Variants in HIVEP2 observed in about 807,000 individuals in gnomAD.
The protein encoded by HIVEP2 is HIVEP zinc finger 2.
A neutral mutation model predicts 180.7 loss-of-function variants in HIVEP2; 14 were observed. The ratio of observed to expected loss-of-function variants is 0.08; its 90% CI spans 0.05 to 0.12. HIVEP2 has a LOEUF of 0.12. Ranked by LOEUF, HIVEP2 falls within the 10% of genes least tolerant of loss-of-function variation. The probability of loss-of-function intolerance (pLI) is 1.00; values close to 1 mark genes in which losing one functional copy is unlikely to be tolerated. For synonymous variants in HIVEP2, 1,184 were observed against 1,136.4 expected (o/e 1.04, Z -0.84); for missense variants, 2,579 against 3,008.5 (o/e 0.86, Z 3.34).
intron 1 of HIVEP2, among the ~76,000 whole-genome samples, chr6:142,933,259 T>C (rs755847250): frequency 6.6e-6 from 1 of 152,170 alleles, no homozygotes; most frequent in Non-Finnish European, 1.5e-5. Flanking sequence ...CAAATACAAA[T>C]AAGAATAGTA....
At position 142,771,793 on chromosome 6, in the gene HIVEP2, A is replaced by G; in HGVS notation, c.2946T>C (p.Ser982=). The change falls in exon 5 of 10, where the codon TCT becomes TCC. Residue 982 remains serine (S), a synonymous_variant. Transcript: ENST00000367603. The surrounding 1 kb of genome is among the most constrained non-coding windows in gnomAD (Gnocchi z 5.4). The part of the protein sequence containing the change: ...NLSHSSSFSM[S]FEREETSKLS... ...GCTTACTGGTTTCTTCTCTTTCAAA[A>G]GACATGGAGAAACTGGAGCTGTGGG... 6.2e-7 allele frequency: 1 copy of G among 1,614,226 alleles called. No individual in the cohort carries two copies. The highest frequency in any genetic ancestry group is 1.1e-5 in the South Asian group (1 of 91,084).
At position 142,752,813 on chromosome 6, in the gene HIVEP2, C is replaced by A; in HGVS notation, c.*294G>T. The A allele has an allele frequency of 3.6e-6, 1 of 279,172 alleles. No individual in the cohort carries two copies. The highest frequency in any genetic ancestry group is 6.7e-6 in the Non-Finnish European group (1 of 148,306). 17.3% of individuals were successfully genotyped at this position (279,172 alleles called of 1,614,324 possible). A position where few individuals can be genotyped will look rare whatever the true frequency, so the allele number is the denominator to read the frequency against. The stretch of plus-strand genomic sequence containing the variant: ...AGATACACAAATTCTAAAATATGTA[C>A]AAATTACTGCTAAAAAATGCTTATA... On this transcript the variant is annotated 3_prime_UTR_variant, in exon 10 of 10. Transcript: ENST00000367603.
At chr6:142,768,590 C>T (rs1343791017) in intron 5 of HIVEP2, 54 bp from the exon 6 acceptor site, 1 of 1,549,836 alleles carries the variant, frequency 6.5e-7, no homozygotes, top group African/African-American at 1.4e-5. Context: ...GACACAGGAG[C>T]CCCTATGTCC....
At chr6:142,860,769 C>T (rs1477546708) in intron 1 of HIVEP2, among the ~76,000 whole-genome samples, 1 of 152,186 alleles carries the variant, frequency 6.6e-6, no homozygotes, top group Non-Finnish European at 1.5e-5. Context: ...GCAGCAGTTC[C>T]TAACAGCCAA....
Position 142,753,265 on chromosome 6 carries a change from C to G in HIVEP2, c.7183G>C (p.Asp2395His), listed in dbSNP as rs775537837. Residue 2395 changes from aspartate to histidine, a missense_variant, in exon 10 of 10, where the codon GAC becomes CAC. Asp to His is a moderately conservative substitution (Grantham distance 81). Coordinates refer to ENST00000367603, the MANE Select transcript of HIVEP2 (RefSeq NM_006734.4). ...GGAGTCTGTGATGTACCAAAATTGTCCTTTTCACCATCATGCAAGTCAGGG... is the reference window on the plus strand; with the variant it reads ...GGAGTCTGTGATGTACCAAAATTGTGCTTTTCACCATCATGCAAGTCAGGG... ...THPDLHDGEKDNFGTSQTPLA... is the reference protein window; with the variant it reads ...THPDLHDGEKHNFGTSQTPLA... 1.2e-6 allele frequency: 2 copies of G among 1,614,022 alleles called. No individual in the cohort carries two copies. The highest frequency in any genetic ancestry group is 2.2e-5 in the East Asian group (1 of 44,880).
rs1562497177 is a variant in HIVEP2, at chr6:142,759,895, A to G, written c.6393T>C (p.Pro2131=). 6.2e-7 allele frequency: 1 copy of G among 1,614,080 alleles called. No individual in the cohort carries two copies. Among genetic ancestry groups the G allele is most frequent in the African/African-American group, 1.3e-5 (1 of 75,012 alleles). ...KDITARRDLS[P]RRERRYMTTI... Reference sequence around the variant, plus strand: ...TGGTCATGTATCTTCTCTCTCTTCTAGGAGAGAGGTCTCTTCTTGCTGTGA... The same window carrying G: ...TGGTCATGTATCTTCTCTCTCTTCTGGGAGAGAGGTCTCTTCTTGCTGTGA... The change falls in exon 9 of 10, where the codon CCT becomes CCC. Residue 2131 remains proline, a synonymous_variant. Transcript: ENST00000367603.
intron 1 of HIVEP2, among the ~76,000 whole-genome samples, chr6:142,917,676 A>G (rs1178931078): frequency 6.6e-6 from 1 of 152,222 alleles, no homozygotes; most frequent in African/African-American, 2.4e-5. Flanking sequence ...AAGCTAATCC[A>G]TATCCCAAAT....
At chr6:142,783,112 G>A (rs963474437) in intron 3 of HIVEP2, among the ~76,000 whole-genome samples, 27 of 151,966 alleles carry the variant, frequency 1.8e-4, no homozygotes, top group African/African-American at 6.0e-4. Context: ...TTGGGAGGCC[G>A]AGGTCAAGAG....
In HIVEP2 at chr6:142,790,125, C is replaced by T. The variant is rs553232363; in HGVS notation, c.-527-6510G>A. On this transcript the variant is annotated intron_variant, in intron 2 of 9. Coordinates refer to ENST00000367603, the MANE Select transcript of HIVEP2 (RefSeq NM_006734.4). Reference sequence around the variant, plus strand: ...TAAGTAGAGTTATGAGACCATCTTCCTAAAAGCAAAGATAGCTCTTTCATT... The same window carrying T: ...TAAGTAGAGTTATGAGACCATCTTCTTAAAAGCAAAGATAGCTCTTTCATT... Among the ~76,000 whole-genome samples the T allele has an allele frequency of 2.4e-4, 36 of 152,172 alleles. 1 individual carries two copies. In the South Asian group the frequency reaches 7.1e-3, roughly 30 times the overall value.
intron 1 of HIVEP2, among the ~76,000 whole-genome samples, chr6:142,919,061 C>A (rs1236076440): frequency 6.6e-6 from 1 of 152,042 alleles, no homozygotes; most frequent in East Asian, 1.9e-4. Context: ...CCCATCTGTC[C>A]ATTTCTCTAC....
chr6:142,793,351 T>C (rs1480113880), intron 2 of HIVEP2, among the ~76,000 whole-genome samples: 1 of 152,164 alleles, frequency 6.6e-6, no homozygotes, highest in African/African-American at 2.4e-5. Context: ...TATTTACTGA[T>C]GACTTGAATA....
intron 2 of HIVEP2, among the ~76,000 whole-genome samples, chr6:142,813,470 G>A (rs1776748020): frequency 6.6e-6 from 1 of 151,574 alleles, no homozygotes; most frequent in Non-Finnish European, 1.5e-5. Flanking sequence ...CCTTAAATTT[G>A]CCCCTTCATT....
intron 2 of HIVEP2, among the ~76,000 whole-genome samples, chr6:142,809,977 A>G (rs1315214427): frequency 6.6e-6 from 1 of 152,222 alleles, no homozygotes; most frequent in Non-Finnish European, 1.5e-5. Context: ...TCTTAGGGTC[A>G]TAGGACATAG....
intron 7 of HIVEP2, among the ~76,000 whole-genome samples, chr6:142,763,612 C>T (rs1312166107): frequency 6.6e-6 from 1 of 152,092 alleles, no homozygotes. Flanking sequence ...ACTCATATGC[C>T]CAGTGAAGAT....
At chr6:142,792,961 T>C (rs892159909) in intron 2 of HIVEP2, among the ~76,000 whole-genome samples, 5 of 152,112 alleles carry the variant, frequency 3.3e-5, no homozygotes, top group African/African-American at 1.2e-4. Context: ...AGGTGAGGTC[T>C]GCTGATGGGA....
chr6:142,887,065 A>G (rs1203510259), intron 1 of HIVEP2, among the ~76,000 whole-genome samples: 1 of 152,192 alleles, frequency 6.6e-6, no homozygotes, highest in Non-Finnish European at 1.5e-5. Flanking sequence ...GATCATTGCT[A>G]AAGCAATTTT....
rs2114649613 is a variant in HIVEP2, at chr6:142,770,977, G to C, written c.3762C>G (p.Ser1254Arg). 2 of 1,614,182 alleles carry C rather than the reference G, an allele frequency of 1.2e-6. No homozygotes were observed. The highest frequency in any genetic ancestry group is 1.7e-6 in the Non-Finnish European group (2 of 1,180,024). The change falls in exon 5 of 10, where the codon AGC becomes AGG. Residue 1254 changes from serine to arginine, a missense_variant. Ser to Arg is a moderately radical substitution (Grantham distance 110). Around this residue, in one of 11 missense-constraint regions of HIVEP2, gnomAD observed 523 missense variants for 577.0 expected, o/e 0.91. Transcript: ENST00000367603. This position sits in a 1 kb window ranked among gnomAD's most constrained non-coding sequence, Gnocchi z 4.7. Reference sequence around the variant, plus strand: ...GCTCTGCCACATGCTCTAAGGGATAGCTCGAATGGATTTCTGTCTGAAAAG... The same window carrying C: ...GCTCTGCCACATGCTCTAAGGGATACCTCGAATGGATTTCTGTCTGAAAAG... The part of the protein sequence containing the change: ...KPSFQTEIHS[S>R]YPLEHVAEHT...
intron 1 of HIVEP2, among the ~76,000 whole-genome samples, chr6:142,840,548 A>ACATAT (rs1462953341): frequency 1.3e-5 from 2 of 152,258 alleles, no homozygotes; most frequent in East Asian, 3.9e-4. Flanking sequence ...CTCATAATGC[A>ACATAT]CATATAATTG....
At chr6:142,805,543 C>T (rs565958695) in intron 2 of HIVEP2, among the ~76,000 whole-genome samples, 2 of 149,482 alleles carry the variant, frequency 1.3e-5, no homozygotes, top group South Asian at 4.3e-4. Context: ...ATCTTCAGGG[C>T]TTTCCAAGTA....
Sources: allele counts gnomAD v4.1 joint callset (sites outside exome capture counted in the v4.1 genomes callset), GRCh38; gene constraint gnomAD v4.1.1; regional missense constraint gnomAD v4.1.1; non-coding constraint Gnocchi (gnomAD v3.1); transcripts MANE v1.5; gene names NCBI Gene and HGNC (gene_info 2026-07-23, HGNC 2026-07-21).